HS6ST3: variants seen among roughly 807,000 people sequenced by gnomAD.
HS6ST3 encodes the protein heparan-sulfate 6-O-sulfotransferase 3.
In HS6ST3, 12 loss-of-function variants were observed where a neutral mutation model predicts 36.7. The ratio of observed to expected loss-of-function variants is 0.33; its 90% CI spans 0.21 to 0.53. The LOEUF is 0.53. Ranked by LOEUF, HS6ST3 falls within the 20% of genes least tolerant of loss-of-function variation. The pLI, the probability that HS6ST3 is intolerant of heterozygous loss-of-function variation, is 0.95. For synonymous variants in HS6ST3, 240 were observed against 257.5 expected (o/e 0.93, Z 0.65); for missense variants, 584 against 640.9 (o/e 0.91, Z 0.96).
At chr13:96,621,860 C>T (rs535325282) in intron 1 of HS6ST3, among the ~76,000 whole-genome samples, 1 of 152,260 alleles carries the variant, frequency 6.6e-6, no homozygotes, top group Admixed American at 6.5e-5. Context: ...AGGGAGATCA[C>T]ATACCAGGGG....
chr13:96,320,398 G>T (rs1344758749), intron 1 of HS6ST3, among the ~76,000 whole-genome samples: 1 of 152,132 alleles, frequency 6.6e-6, no homozygotes, highest in African/African-American at 2.4e-5. Flanking sequence ...TCCTATCCCA[G>T]AGTTTTCATT....
At chr13:96,415,566 G>A (rs890305050) in intron 1 of HS6ST3, among the ~76,000 whole-genome samples, 3 of 152,206 alleles carry the variant, frequency 2.0e-5, no homozygotes, top group Non-Finnish European at 4.4e-5. Context: ...CCAGAGATGG[G>A]GGAAATAAGA....
At chr13:96,749,833 T>G (rs768489020) in intron 1 of HS6ST3, among the ~76,000 whole-genome samples, 1 of 152,124 alleles carries the variant, frequency 6.6e-6, no homozygotes, top group Non-Finnish European at 1.5e-5. Flanking sequence ...TGTATAAGAT[T>G]ATGCATAGTA....
intron 1 of HS6ST3, among the ~76,000 whole-genome samples, chr13:96,141,655 T>C (rs148121869): frequency 4.7e-4 from 71 of 152,244 alleles, no homozygotes; most frequent in East Asian, 4.3e-3. Flanking sequence ...TCTTTTGATA[T>C]TGGGCAGTGC....
chr13:96,466,061 T>C (rs2055812053), intron 1 of HS6ST3, among the ~76,000 whole-genome samples: 1 of 151,968 alleles, frequency 6.6e-6, no homozygotes, highest in Non-Finnish European at 1.5e-5. Flanking sequence ...GGCGGGCAGA[T>C]CATGAGGTCA....
At position 96,573,891 on chromosome 13, in the gene HS6ST3, C is replaced by G. The variant is rs142709725; in HGVS notation, c.708-258599C>G. On this transcript the variant is annotated intron_variant, in intron 1 of 1. Transcript: ENST00000376705. Reference sequence around the variant, plus strand: ...ATCAGGAGCACTGAGCCCTCTCCCCCAGTCTAATGGAATGGCAGCTCCACA... The same window carrying G: ...ATCAGGAGCACTGAGCCCTCTCCCCGAGTCTAATGGAATGGCAGCTCCACA... 2.6e-5 allele frequency: 13 copies of G among 496,242 alleles called. No homozygotes were observed. The East Asian group carries it at 6.5e-4, about 25-fold the overall frequency. 30.7% of individuals were successfully genotyped at this position (496,242 alleles called of 1,614,324 possible).
chr13:96,686,243 C>A (rs1439505295), intron 1 of HS6ST3, among the ~76,000 whole-genome samples: 7 of 151,870 alleles, frequency 4.6e-5, no homozygotes, highest in Non-Finnish European at 1.0e-4. Flanking sequence ...CCTTTCAAGC[C>A]AAGAAAATAA....
At chr13:96,275,339 A>G (rs2054742736) in intron 1 of HS6ST3, among the ~76,000 whole-genome samples, 1 of 152,140 alleles carries the variant, frequency 6.6e-6, no homozygotes, top group South Asian at 2.1e-4. Context: ...TGACTAGACC[A>G]TCTCTTCCAC....
intron 1 of HS6ST3, among the ~76,000 whole-genome samples, chr13:96,636,601 G>C (rs2056550626): frequency 6.6e-6 from 1 of 152,070 alleles, no homozygotes; most frequent in South Asian, 2.1e-4. Flanking sequence ...ATTTACTCTT[G>C]GTACTTTGTG....
chr13:96,701,970 A>G (rs1282669897), intron 1 of HS6ST3, among the ~76,000 whole-genome samples: 1 of 152,178 alleles, frequency 6.6e-6, no homozygotes, highest in African/African-American at 2.4e-5. Flanking sequence ...TCACAAAGAA[A>G]TGGCCTATGA....
chr13:96,351,335 T>TAAA (rs1555300084), intron 1 of HS6ST3, among the ~76,000 whole-genome samples: 50,759 of 146,282 alleles, frequency 0.35, 9,192 homozygotes, highest in African/African-American at 0.41. Context: ...TTTTTTTTTT[T>TAAA]AAAAAAAACA....
chr13:96,255,302 G>T (rs531292510), intron 1 of HS6ST3, among the ~76,000 whole-genome samples: 49 of 152,126 alleles, frequency 3.2e-4, no homozygotes, highest in Non-Finnish European at 6.8e-4. Flanking sequence ...AACAAGGATA[G>T]CAGTCATGTA....
At chr13:96,567,330 A>T (rs1480225281) in intron 1 of HS6ST3, among the ~76,000 whole-genome samples, 1 of 152,138 alleles carries the variant, frequency 6.6e-6, no homozygotes, top group African/African-American at 2.4e-5. Flanking sequence ...CATAAATAGA[A>T]AATAATGAGT....
intron 1 of HS6ST3, among the ~76,000 whole-genome samples, chr13:96,218,307 T>A (rs567930172): frequency 6.6e-6 from 1 of 152,170 alleles, no homozygotes; most frequent in African/African-American, 2.4e-5. Flanking sequence ...CTCCCTCTAG[T>A]TGCCTGCCTG....
chr13:96,445,751 C>T (rs1421234454), intron 1 of HS6ST3, among the ~76,000 whole-genome samples: 3 of 151,812 alleles, frequency 2.0e-5, no homozygotes, highest in Non-Finnish European at 4.4e-5. Context: ...GCCTGTCATT[C>T]CAGCAACTCG....
chr13:96,438,777 T>C (rs2055655282), intron 1 of HS6ST3, among the ~76,000 whole-genome samples: 1 of 152,162 alleles, frequency 6.6e-6, no homozygotes, highest in Non-Finnish European at 1.5e-5. Context: ...TAAAATATTA[T>C]GGTTATGGCT....
chr13:96,655,976 A>G (rs542116530), intron 1 of HS6ST3, among the ~76,000 whole-genome samples: 1 of 152,124 alleles, frequency 6.6e-6, no homozygotes, highest in African/African-American at 2.4e-5. Context: ...TATGATTACC[A>G]CAATTATAAT....
rs761117322 is a variant in HS6ST3 at position 96,833,224 on chromosome 13, G to A, written c.*26G>A. ...CCTCCTGCCCTCTCCTCTCTCAGGA[G>A]GGGGAGGGTGAGCAGGCACATTGAC... On this transcript the variant is annotated 3_prime_UTR_variant, in exon 2 of 2. Transcript: ENST00000376705. 2 of 1,476,936 alleles carry A rather than the reference G, an allele frequency of 1.4e-6. No homozygotes were observed. Among genetic ancestry groups the A allele is most frequent in the South Asian group, 2.7e-5 (2 of 73,578 alleles). 91.5% of individuals were successfully genotyped at this position (1,476,936 alleles called of 1,614,324 possible).
chr13:96,776,846 C>A (rs1157045004), intron 1 of HS6ST3, among the ~76,000 whole-genome samples: 2 of 152,124 alleles, frequency 1.3e-5, no homozygotes, highest in African/African-American at 2.4e-5. Context: ...TTTTGTGAGA[C>A]CAGCATCATC....
Sources: gnomAD v4.1 joint callset for allele counts (sites outside exome capture counted in the v4.1 genomes callset) on GRCh38, gnomAD v4.1.1 for gene constraint, MANE v1.5 for transcripts, NCBI Gene and HGNC (gene_info 2026-07-23, HGNC 2026-07-21) for gene names.